The following ETV7 variants were observed in gnomAD, a reference collection of about 807,000 sequenced individuals.
The protein encoded by ETV7 is ETS variant transcription factor 7.
Under a neutral mutation model 39.1 loss-of-function variants are expected in ETV7, and 43 were observed. That is an observed-to-expected ratio of 1.10 (90% CI 0.86 to 1.42). The LOEUF is 1.42. Ranked by LOEUF, ETV7 falls within the 40% of genes most tolerant of loss-of-function variation. The pLI, the probability that ETV7 is intolerant of heterozygous loss-of-function variation, is 0.00. For missense variants in ETV7, 432 were observed against 442.3 expected (o/e 0.98, Z 0.21); for synonymous variants, 196 against 176.6 (o/e 1.11, Z -0.87).
intron 2 of ETV7, among the ~76,000 whole-genome samples, chr6:36,378,759 G>A (rs1353394594): frequency 6.6e-6 from 1 of 152,098 alleles, no homozygotes; most frequent in Non-Finnish European, 1.5e-5. Context: ...GAATACCCTG[G>A]TCACTATCCA....
At chr6:36,364,894 G>C (rs1014353265), downstream of ETV7, among the ~76,000 whole-genome samples, 1 of 152,208 alleles carries the variant, frequency 6.6e-6, no homozygotes, top group African/African-American at 2.4e-5. Context: ...TTTTCCCATC[G>C]ATCCTTTTTC....
intron 6 of ETV7, among the ~76,000 whole-genome samples, chr6:36,368,427 T>C (rs1219272894): frequency 6.6e-6 from 1 of 152,256 alleles, no homozygotes; most frequent in East Asian, 1.9e-4. Flanking sequence ...GGTAGTTACA[T>C]TTTGTAATCC....
chr6:36,380,772 A>G (rs965265344), intron 2 of ETV7, among the ~76,000 whole-genome samples: 5 of 152,090 alleles, frequency 3.3e-5, no homozygotes, highest in Non-Finnish European at 5.9e-5. Context: ...GGCACATAGT[A>G]GCTGCTCAAT....
chr6:36,387,203 C>G (rs1397605418), intron 1 of ETV7, among the ~76,000 whole-genome samples: 1 of 152,148 alleles, frequency 6.6e-6, no homozygotes, highest in African/African-American at 2.4e-5. Flanking sequence ...CTGTGAGGAC[C>G]TGGCTGGCGC....
At chr6:36,367,279 C>G (rs764872140) in intron 6 of ETV7, among the ~76,000 whole-genome samples, 1 of 152,072 alleles carries the variant, frequency 6.6e-6, no homozygotes, top group African/African-American at 2.4e-5. Context: ...CCTGTCTCTA[C>G]TAAAAATACA....
intron 7 of ETV7, among the ~76,000 whole-genome samples, chr6:36,357,069 T>C (rs970040644): frequency 6.6e-6 from 1 of 152,208 alleles, no homozygotes; most frequent in Non-Finnish European, 1.5e-5. Context: ...CTCTTTTTTT[T>C]GGATCCACAA....
At chr6:36,382,308 T>C (rs1463927305) in intron 2 of ETV7, among the ~76,000 whole-genome samples, 1 of 152,246 alleles carries the variant, frequency 6.6e-6, no homozygotes, top group African/African-American at 2.4e-5. Flanking sequence ...TTTTTAAAAA[T>C]ATTTATCTTG....
chr6:36,380,094 T>G (rs988386269), intron 2 of ETV7, among the ~76,000 whole-genome samples: 3 of 152,104 alleles, frequency 2.0e-5, no homozygotes, highest in African/African-American at 7.2e-5. Context: ...GGCATGTGCT[T>G]TTTGACACAC....
intron 3 of ETV7, 97 bp from the exon 4 acceptor site, chr6:36,373,675 G>C (rs1210500328): frequency 1.5e-6 from 2 of 1,375,544 alleles, no homozygotes; most frequent in African/African-American, 3.1e-5. Context: ...GGCAAGGGCT[G>C]GCATGTCTTG....
chr6:36,371,244 C>T, intron 5 of ETV7, 86 bp downstream of exon 5: 3 of 1,328,850 alleles, frequency 2.3e-6, no homozygotes, highest in Non-Finnish European at 3.1e-6. Flanking sequence ...ATCACCAGGT[C>T]AAAATAGCCC....
At chr6:36,378,908 A>T (rs1773509109) in intron 2 of ETV7, among the ~76,000 whole-genome samples, 1 of 152,236 alleles carries the variant, frequency 6.6e-6, no homozygotes, top group African/African-American at 2.4e-5. Flanking sequence ...ATGTGACAAG[A>T]CATGTCACCT....
chr6:36,367,986 T>A (rs370025591), intron 6 of ETV7, among the ~76,000 whole-genome samples: 1 of 152,188 alleles, frequency 6.6e-6, no homozygotes, highest in Non-Finnish European at 1.5e-5. Context: ...TTCCTCCCTG[T>A]TCTATATGAG....
intron 2 of ETV7, 62 bp downstream of exon 2, chr6:36,385,472 G>A (rs1490901411): frequency 2.5e-6 from 4 of 1,601,880 alleles, no homozygotes; most frequent in African/African-American, 2.7e-5. Context: ...CAAGACCCTG[G>A]ATCTAAAACA....
intron 7 of ETV7, among the ~76,000 whole-genome samples, chr6:36,357,319 G>A (rs750016171): frequency 2.6e-5 from 4 of 152,158 alleles, no homozygotes; most frequent in Non-Finnish European, 5.9e-5. Flanking sequence ...GAGCCAGCAG[G>A]GAGGGACTAG....
intron 7 of ETV7, among the ~76,000 whole-genome samples, chr6:36,356,871 A>G (rs1231243029): frequency 6.6e-6 from 1 of 152,224 alleles, no homozygotes; most frequent in Admixed American, 6.5e-5. Flanking sequence ...GTGTGTATCA[A>G]GTGGAGATAC....
intron 5 of ETV7, among the ~76,000 whole-genome samples, chr6:36,369,356 G>A (rs1772890208): frequency 6.6e-6 from 1 of 152,234 alleles, no homozygotes; most frequent in African/African-American, 2.4e-5. Context: ...CTAAGTGGCA[G>A]GTAGAGCAGG....
At chr6:36,372,204 G>A (rs1773065062) in intron 4 of ETV7, among the ~76,000 whole-genome samples, 1 of 152,182 alleles carries the variant, frequency 6.6e-6, no homozygotes, top group Non-Finnish European at 1.5e-5. Context: ...ATCTAGAGCA[G>A]AGAGGGGATG....
chr6:36,361,598 G>C (rs1293003997), downstream of ETV7, among the ~76,000 whole-genome samples: 2 of 152,194 alleles, frequency 1.3e-5, no homozygotes, highest in Non-Finnish European at 2.9e-5. Context: ...TAAATCAAAT[G>C]CTAGATCTGG....
intron 2 of ETV7, among the ~76,000 whole-genome samples, chr6:36,380,022 C>T (rs1167897296): frequency 6.6e-6 from 1 of 152,278 alleles, no homozygotes; most frequent in East Asian, 1.9e-4. Context: ...ATTGTACTGT[C>T]CACACAGGGC....
Sources: gnomAD v4.1 joint callset for allele counts (sites outside exome capture counted in the v4.1 genomes callset) on GRCh38, gnomAD v4.1.1 for gene constraint, MANE v1.5 for transcripts, NCBI Gene and HGNC (gene_info 2026-07-23, HGNC 2026-07-21) for gene names.